Variants in RANBP2 observed in about 807,000 individuals in gnomAD.
RANBP2 encodes the protein RAN binding protein 2.
In RANBP2, 57 loss-of-function variants were observed where a neutral mutation model predicts 303.6. That is an observed-to-expected ratio of 0.19 (90% confidence interval 0.15 to 0.23). RANBP2 has a LOEUF of 0.23. RANBP2 is among the 10% of genes least tolerant of loss of function. The pLI, the probability that RANBP2 is intolerant of heterozygous loss-of-function variation, is 1.00. For synonymous variants in RANBP2, 1,167 were observed against 1,301.5 expected (o/e 0.90, Z 2.23); for missense variants, 3,138 against 3,780.8 (o/e 0.83, Z 4.46).
the RANBP2 span, among the ~76,000 whole-genome samples, chr2:109,331,275 G>A: frequency 1.3e-5 from 2 of 152,132 alleles, no homozygotes; most frequent in Non-Finnish European, 2.9e-5. Context: ...CTGGGTGCCA[G>A]AGCAAGATTC....
the RANBP2 span, among the ~76,000 whole-genome samples, chr2:109,234,080 G>A: frequency 1.3e-5 from 2 of 152,210 alleles, no homozygotes; most frequent in South Asian, 4.1e-4. Flanking sequence ...TTTAGGAGTA[G>A]AATTGCTGGA....
the RANBP2 span, among the ~76,000 whole-genome samples, chr2:109,703,079 C>T: frequency 6.6e-6 from 1 of 151,890 alleles, no homozygotes; most frequent in African/African-American, 2.4e-5. Context: ...ACAGGGTTTC[C>T]GAATTAACAA....
In RANBP2 at chr2:108,767,289, T is replaced by G; in HGVS notation, c.6750T>G (p.Ser2250Arg). The change falls in exon 20 of 29, where the codon AGT (serine) becomes AGG (arginine). Residue 2250 changes from serine to arginine, a missense_variant. By Grantham distance (110) the Ser-to-Arg change is moderately radical (BLOSUM62 -1). This residue lies in a region of RANBP2 where 72 missense variants were observed against 86.8 expected (regional missense o/e 0.83). Transcript: ENST00000283195. ...SSSVHASPLA[S>R]SPVRKNLFRF... ...CAGTACATGCTTCTCCATTGGCAAGTAGCCCTGTGAGAAAAAATCTTTTCC... is the reference window on the plus strand; with the variant it reads ...CAGTACATGCTTCTCCATTGGCAAGGAGCCCTGTGAGAAAAAATCTTTTCC... The G allele has an allele frequency of 1.9e-6, 3 of 1,612,066 alleles. No individual in the cohort carries two copies. Among genetic ancestry groups the G allele is most frequent in the Non-Finnish European group, 2.5e-6 (3 of 1,179,870 alleles).
the RANBP2 span, among the ~76,000 whole-genome samples, chr2:109,766,791 AT>A: frequency 3.3e-5 from 5 of 149,650 alleles, 1 homozygote; most frequent in African/African-American, 7.4e-5. Context: ...TGCCTGTTTG[AT>A]TTTTTTTTAT....
At chr2:109,366,711 C>T in the RANBP2 span, among the ~76,000 whole-genome samples, 3 of 152,032 alleles carry the variant, frequency 2.0e-5, no homozygotes, top group Admixed American at 6.5e-5. Context: ...AAATTAGCTG[C>T]GTGTGGTGGC....
chr2:109,488,080 A>C, the RANBP2 span, among the ~76,000 whole-genome samples: 1 of 152,052 alleles, frequency 6.6e-6, no homozygotes, highest in Non-Finnish European at 1.5e-5. Flanking sequence ...CCAGGAGGGG[A>C]GGAGCGGCCA....
chr2:109,125,497 A>G, the RANBP2 span, among the ~76,000 whole-genome samples: 1 of 152,146 alleles, frequency 6.6e-6, no homozygotes, highest in African/African-American at 2.4e-5. Context: ...ATCCCTTACC[A>G]CATCGTCATT....
At chr2:109,052,024 A>G in the RANBP2 span, among the ~76,000 whole-genome samples, 1 of 152,208 alleles carries the variant, frequency 6.6e-6, no homozygotes, top group African/African-American at 2.4e-5. Flanking sequence ...CTGGGATTAC[A>G]GGCGTGAGCC....
At chr2:109,649,655 G>C in the RANBP2 span, among the ~76,000 whole-genome samples, 2 of 152,054 alleles carry the variant, frequency 1.3e-5, no homozygotes, top group Non-Finnish European at 2.9e-5. Context: ...TCCTCGGCCT[G>C]CCAAAGTACT....
the RANBP2 span, among the ~76,000 whole-genome samples, chr2:109,134,956 G>A: frequency 2.6e-5 from 4 of 152,342 alleles, no homozygotes; most frequent in East Asian, 7.7e-4. Flanking sequence ...CAGGACATTA[G>A]TCTGAGTGGC....
At chr2:109,614,134 C>G in the RANBP2 span, 8 of 1,204,044 alleles carry the variant, frequency 6.6e-6, no homozygotes, top group African/African-American at 3.2e-5. Flanking sequence ...AGCTGGGACT[C>G]CAGGAAGACG....
chr2:109,215,186 A>G, the RANBP2 span, among the ~76,000 whole-genome samples: 2 of 152,224 alleles, frequency 1.3e-5, no homozygotes, highest in African/African-American at 4.8e-5. Flanking sequence ...CAATTATGGA[A>G]TAAGAAGTCT....
At chr2:109,108,356 C>T in the RANBP2 span, among the ~76,000 whole-genome samples, 2 of 152,216 alleles carry the variant, frequency 1.3e-5, no homozygotes, top group African/African-American at 4.8e-5. Flanking sequence ...GTTTTTAAAA[C>T]TCTCCTTTTC....
chr2:108,980,791 C>T, the RANBP2 span, among the ~76,000 whole-genome samples: 1 of 152,142 alleles, frequency 6.6e-6, no homozygotes, highest in Non-Finnish European at 1.5e-5. Flanking sequence ...AGAGTGGGGT[C>T]ACGGTGTCAC....
At chr2:108,933,430 C>A in the RANBP2 span, among the ~76,000 whole-genome samples, 2 of 152,120 alleles carry the variant, frequency 1.3e-5, no homozygotes, top group Non-Finnish European at 1.5e-5. Context: ...CAGGGGAGAT[C>A]CCAGAGGACA....
At chr2:108,929,075 A>G in the RANBP2 span, 1 of 1,139,090 alleles carries the variant, frequency 8.8e-7, no homozygotes, top group Non-Finnish European at 1.3e-6. Context: ...GACCAAGGCC[A>G]GGTGTGCGGC....
At chr2:109,240,823 C>T in the RANBP2 span, among the ~76,000 whole-genome samples, 1,691 of 152,018 alleles carry the variant, frequency 0.011, 14 homozygotes, top group South Asian at 0.023. Context: ...GTTACTTCTT[C>T]CTACTGGACT....
chr2:109,007,046 G>A, the RANBP2 span, among the ~76,000 whole-genome samples: 2 of 152,146 alleles, frequency 1.3e-5, no homozygotes, highest in Non-Finnish European at 2.9e-5. Flanking sequence ...AGAAGACTCT[G>A]TACTCTGATT....
At chr2:109,590,633 C>T in the RANBP2 span, among the ~76,000 whole-genome samples, 240 of 152,100 alleles carry the variant, frequency 1.6e-3, 1 homozygote, top group Non-Finnish European at 2.4e-3. Context: ...GGTTTCACGT[C>T]GGTCAGGCTG....
Sources: allele counts gnomAD v4.1 joint callset (sites outside exome capture counted in the v4.1 genomes callset), GRCh38; gene constraint gnomAD v4.1.1; regional missense constraint gnomAD v4.1.1; transcripts MANE v1.5; gene names NCBI Gene and HGNC (gene_info 2026-07-23, HGNC 2026-07-21).